AGFG1: variants seen among roughly 807,000 people sequenced by gnomAD.
AGFG1 encodes the protein arf-GAP domain and FG repeat-containing protein 1.
AGFG1 carries 10 observed loss-of-function variants against 60.6 expected under a neutral mutation model. The ratio of observed to expected loss-of-function variants is 0.16; its 90% CI spans 0.10 to 0.28. The LOEUF (loss-of-function observed/expected upper bound fraction) is 0.28. Ranked by LOEUF, AGFG1 falls within the 10% of genes least tolerant of loss-of-function variation. The probability of loss-of-function intolerance (pLI) is 1.00; values close to 1 mark genes in which losing one functional copy is unlikely to be tolerated. For missense variants in AGFG1, 537 were observed against 676.5 expected, an observed-to-expected ratio of 0.79 and a Z score of 2.29; for synonymous variants, 247 against 242.9, an observed-to-expected ratio of 1.02 and a Z score of -0.16.
intron 2 of AGFG1, among the ~76,000 whole-genome samples, chr2:227,519,340 A>T (rs189257461): frequency 1.3e-5 from 2 of 152,090 alleles, no homozygotes; most frequent in Non-Finnish European, 2.9e-5. Flanking sequence ...TTTTATTTTG[A>T]TGAAGTCTGC....
At chr2:227,489,584 T>C (rs1690741741) in intron 1 of AGFG1, among the ~76,000 whole-genome samples, 1 of 152,136 alleles carries the variant, frequency 6.6e-6, no homozygotes, top group Non-Finnish European at 1.5e-5. Context: ...CAGCCTTTAT[T>C]TCCCTATTTT....
At chr2:227,540,708 C>T (rs1692465749) in intron 10 of AGFG1, among the ~76,000 whole-genome samples, 1 of 152,126 alleles carries the variant, frequency 6.6e-6, no homozygotes, top group Non-Finnish European at 1.5e-5. Context: ...TGGGTATATA[C>T]CCAGTAATGG....
chr2:227,483,329 TACTA>T (rs754135878), intron 1 of AGFG1, among the ~76,000 whole-genome samples: 1 of 152,212 alleles, frequency 6.6e-6, no homozygotes, highest in African/African-American at 2.4e-5. Context: ...TTACTATAGA[TACTA>T]ACACGAAATC....
At chr2:227,550,309 G>T (rs1420657073) in intron 10 of AGFG1, among the ~76,000 whole-genome samples, 1 of 152,182 alleles carries the variant, frequency 6.6e-6, no homozygotes. Context: ...ATGTGTAAAT[G>T]CTGAAAAGCA....
chr2:227,518,536 T>A (rs981301935), intron 2 of AGFG1, among the ~76,000 whole-genome samples: 3 of 150,726 alleles, frequency 2.0e-5, no homozygotes, highest in South Asian at 4.2e-4. Flanking sequence ...TTTTTTTTTT[T>A]TTTAAAGACA....
Position 227,527,776 on chromosome 2 carries a change from G to A in AGFG1, c.694+2861G>A, listed in dbSNP as rs144851880. Among the ~76,000 whole-genome samples the A allele has an allele frequency of 1.4e-3, 212 of 152,266 alleles. 2 individuals carry two copies. Among genetic ancestry groups the A allele is most frequent in the African/African-American group, 4.8e-3 (200 of 41,566 alleles). On this transcript the variant is annotated intron_variant, in intron 5 of 12. Coordinates refer to ENST00000310078, the MANE Select transcript of AGFG1 (RefSeq NM_004504.5). ...TTTGCTTTATATTATTTTGGCACAT[G>A]TGTATGAGGTATTGGCTAAAGCTTA...
intron 1 of AGFG1, among the ~76,000 whole-genome samples, chr2:227,490,871 A>G (rs538425919): frequency 9.2e-5 from 14 of 152,346 alleles, no homozygotes; most frequent in Non-Finnish European, 1.6e-4. Flanking sequence ...AAAAGGCTTC[A>G]GGGTTCTAAA....
intron 8 of AGFG1, 127 bp downstream of exon 8, chr2:227,535,152 G>T: frequency 1.9e-6 from 2 of 1,062,312 alleles, no homozygotes; most frequent in Non-Finnish European, 2.6e-6. Flanking sequence ...GTAAATTTGA[G>T]GAATTTGAAT....
rs529419241 is a variant in AGFG1, at chr2:227,507,323, A to G, written c.262-12625A>G. Among the ~76,000 whole-genome samples, 4 of 152,272 alleles carry G rather than the reference A, an allele frequency of 2.6e-5. No homozygotes were observed. The South Asian group carries it at 6.2e-4, about 24-fold the overall frequency. Reference sequence around the variant, plus strand: ...CTCCTACCTAACAAGGCATTAATGAAGTTTACAAAAATTACAACAGTAATC... The same window carrying G: ...CTCCTACCTAACAAGGCATTAATGAGGTTTACAAAAATTACAACAGTAATC... On this transcript the variant is annotated intron_variant, in intron 2 of 12. Transcript: ENST00000310078.
At chr2:227,508,493 GA>G in intron 2 of AGFG1, 1 of 361,570 alleles carries the variant, frequency 2.8e-6, no homozygotes. Flanking sequence ...GTGTATTCTG[GA>G]AAATGTAAAA....
intron 2 of AGFG1, among the ~76,000 whole-genome samples, chr2:227,502,948 C>A (rs547022718): frequency 2.0e-5 from 3 of 152,092 alleles, no homozygotes; most frequent in African/African-American, 7.2e-5. Flanking sequence ...AATGAAATGA[C>A]CAGGCAGGGC....
chr2:227,525,467 T>C (rs1385681298), intron 5 of AGFG1, among the ~76,000 whole-genome samples: 1 of 152,256 alleles, frequency 6.6e-6, no homozygotes, highest in African/African-American at 2.4e-5. Flanking sequence ...CATACATACG[T>C]ACATATGTAC....
chr2:227,497,251 GTT>G (rs948304688), intron 2 of AGFG1, among the ~76,000 whole-genome samples: 75 of 149,060 alleles, frequency 5.0e-4, no homozygotes, highest in African/African-American at 1.7e-3. Flanking sequence ...TGATGACCCA[GTT>G]TGGTCTGCAG....
chr2:227,551,844 T>C (rs1692830755), intron 10 of AGFG1, 115 bp from the exon 11 acceptor site: 8 of 1,293,870 alleles, frequency 6.2e-6, no homozygotes, highest in Non-Finnish European at 8.6e-6. Flanking sequence ...AACCCTGCCT[T>C]TAATGTACAT....
At chr2:227,525,031 A>G in intron 5 of AGFG1, 116 bp downstream of exon 5, 1 of 1,203,474 alleles carries the variant, frequency 8.3e-7, no homozygotes, top group East Asian at 2.4e-5. Context: ...ATGTTTTGTC[A>G]CTTGTAACTG....
In AGFG1 at chr2:227,538,457, G is replaced by T. The variant is rs149717229; in HGVS notation, c.1378+1464G>T. Among the ~76,000 whole-genome samples, 178 of 152,302 alleles carry T rather than the reference G, an allele frequency of 1.2e-3. 3 individuals carry two copies. The East Asian group carries it at 0.03, about 26-fold the overall frequency. On this transcript the variant is annotated intron_variant, in intron 10 of 12. Coordinates refer to ENST00000310078, the MANE Select transcript of AGFG1 (RefSeq NM_004504.5). The stretch of plus-strand genomic sequence containing the variant: ...ATTGTGATAAAGTTGTTCACAAGAT[G>T]CTATTGAGATATTTATAGATATTAT...
In AGFG1 at chr2:227,504,850, C is replaced by T. The variant is rs1003513454; in HGVS notation, c.261+13210C>T. Among the ~76,000 whole-genome samples the T allele has an allele frequency of 8.3e-4, 126 of 152,174 alleles. 3 individuals carry two copies. Among genetic ancestry groups the T allele is most frequent in the Non-Finnish European group, 2.9e-4 (20 of 68,010 alleles). ...ATTGAGATCTCTTTATGGTCCAGCA[C>T]GTGTTCTGTCTTGGTGAGTGTACAG... On this transcript the variant is annotated intron_variant, in intron 2 of 12. Transcript: ENST00000310078.
intron 2 of AGFG1, among the ~76,000 whole-genome samples, chr2:227,519,189 T>G (rs12475933): frequency 0.12 from 18,087 of 152,128 alleles, 1,382 homozygotes; most frequent in Middle Eastern, 0.19. Context: ...CCAAAACAAG[T>G]GTTGGGTTAT....
chr2:227,505,474 G>A (rs1376730370), intron 2 of AGFG1, among the ~76,000 whole-genome samples: 4 of 137,642 alleles, frequency 2.9e-5, no homozygotes, highest in Non-Finnish European at 4.7e-5. Context: ...TTTTGATACT[G>A]TTCTGCAGTT....
Sources: allele counts gnomAD v4.1 joint callset (sites outside exome capture counted in the v4.1 genomes callset), GRCh38; gene constraint gnomAD v4.1.1; transcripts MANE v1.5; gene names NCBI Gene and HGNC (gene_info 2026-07-23, HGNC 2026-07-21).